The following TRAF3 variants were observed in gnomAD, a reference collection of about 807,000 sequenced individuals.
TRAF3 encodes the protein TNF receptor associated factor 3.
Under a neutral mutation model 62.3 loss-of-function variants are expected in TRAF3, and 13 were observed. The ratio of observed to expected loss-of-function variants is 0.21; its 90% CI spans 0.14 to 0.33. The LOEUF is 0.33. Ranked by LOEUF, TRAF3 falls within the 10% of genes least tolerant of loss-of-function variation. TRAF3 has a pLI of 1.00. For missense variants in TRAF3, 440 were observed against 741.8 expected (o/e 0.59, Z 4.73); for synonymous variants, 269 against 283.4 (o/e 0.95, Z 0.51).
chr14:102,830,756 C>T (rs1018297103), intron 2 of TRAF3, among the ~76,000 whole-genome samples: 3 of 152,174 alleles, frequency 2.0e-5, no homozygotes, highest in African/African-American at 7.2e-5. Context: ...TCTGGCTTGA[C>T]ATCTCCATTT....
At chr14:102,853,328 C>T (rs1183381231) in intron 2 of TRAF3, among the ~76,000 whole-genome samples, 1 of 152,118 alleles carries the variant, frequency 6.6e-6, no homozygotes, top group African/African-American at 2.4e-5. Context: ...TGAGCTACCA[C>T]GTCCTGCCTG....
intron 2 of TRAF3, among the ~76,000 whole-genome samples, chr14:102,866,788 T>C (rs1300674741): frequency 6.7e-6 from 1 of 150,224 alleles, no homozygotes; most frequent in Non-Finnish European, 1.5e-5. Context: ...GAGGCTGCAG[T>C]GAGCCATGAT....
At position 102,900,179 on chromosome 14, in the gene TRAF3, GGAAA is replaced by G. The variant is rs1414828268; in HGVS notation, c.960+2779_960+2782del. On this transcript the variant is annotated intron_variant, in intron 10 of 11. Coordinates refer to ENST00000392745, the MANE Select transcript of TRAF3 (RefSeq NM_145725.3). ...GGGAGAAAGAGCAAGACTCCGTCTC[GGAAA>G]AAAAAAAAAAAAAAAAAAAAGACAG... Among the ~76,000 whole-genome samples, 120 of 83,724 alleles carry G rather than the reference GGAAA, an allele frequency of 1.4e-3. 1 individual carries two copies. The highest frequency in any genetic ancestry group is 5.3e-3 in the African/African-American group (101 of 19,228). 54.9% of individuals were successfully genotyped at this position (83,724 alleles called of 152,430 possible).
At chr14:102,810,825 TG>T (rs1477375229) in intron 1 of TRAF3, 1 of 152,324 alleles carries the variant, frequency 6.6e-6, no homozygotes, top group Non-Finnish European at 1.5e-5. Context: ...TCAGCCTACC[TG>T]GGTGTGGACG....
At chr14:102,839,289 G>A (rs1341818165) in intron 2 of TRAF3, among the ~76,000 whole-genome samples, 1 of 128,354 alleles carries the variant, frequency 7.8e-6, no homozygotes, top group Non-Finnish European at 1.5e-5. Context: ...CGCGATCTTC[G>A]CTCACTGCAA....
chr14:102,896,344 T>TA (rs1890008232), intron 9 of TRAF3, among the ~76,000 whole-genome samples: 1 of 152,116 alleles, frequency 6.6e-6, no homozygotes, highest in Non-Finnish European at 1.5e-5. Flanking sequence ...TAACCACCAT[T>TA]CCCTGCTTCT....
intron 4 of TRAF3, among the ~76,000 whole-genome samples, chr14:102,872,892 G>A (rs973087833): frequency 1.3e-5 from 2 of 151,812 alleles, no homozygotes; most frequent in African/African-American, 2.4e-5. Flanking sequence ...GGGTTTCACC[G>A]TGTTGGTTAG....
intron 10 of TRAF3, among the ~76,000 whole-genome samples, chr14:102,900,332 C>G (rs1043054575): frequency 6.6e-6 from 1 of 151,950 alleles, no homozygotes; most frequent in Non-Finnish European, 1.5e-5. Flanking sequence ...GAAACCCCGT[C>G]TCTACTAAAA....
intron 2 of TRAF3, among the ~76,000 whole-genome samples, chr14:102,863,372 T>C (rs1273060257): frequency 1.3e-5 from 2 of 152,212 alleles, no homozygotes; most frequent in Admixed American, 1.3e-4. Context: ...TCTGTTCCAT[T>C]AATATAGTGG....
chr14:102,796,941 A>G (rs893950292), intron 1 of TRAF3, among the ~76,000 whole-genome samples: 1 of 152,256 alleles, frequency 6.6e-6, no homozygotes, highest in Admixed American at 6.5e-5. Flanking sequence ...GGCACTACGT[A>G]CTTTCTCATT....
At chr14:102,816,147 G>C (rs1899503767) in intron 1 of TRAF3, among the ~76,000 whole-genome samples, 1 of 151,726 alleles carries the variant, frequency 6.6e-6, no homozygotes. Flanking sequence ...CTGTTGCCCA[G>C]GCAGGAGTGT....
chr14:102,814,459 T>C (rs1449912738), intron 1 of TRAF3, among the ~76,000 whole-genome samples: 1 of 152,222 alleles, frequency 6.6e-6, no homozygotes, highest in Non-Finnish European at 1.5e-5. Flanking sequence ...GGATATTTTT[T>C]CTATTTCTGT....
intron 1 of TRAF3, among the ~76,000 whole-genome samples, chr14:102,814,526 T>A (rs1294909680): frequency 6.6e-6 from 1 of 152,190 alleles, no homozygotes; most frequent in Non-Finnish European, 1.5e-5. Context: ...TTGATTTCTT[T>A]TTTTCCCCCC....
At chr14:102,809,097 C>T (rs571869178) in intron 1 of TRAF3, 1 of 152,376 alleles carries the variant, frequency 6.6e-6, no homozygotes, top group African/African-American at 2.4e-5. Flanking sequence ...AGAGATTCTC[C>T]TGCCTCAGCC....
At chr14:102,896,786 G>T (rs1396915358) in intron 9 of TRAF3, among the ~76,000 whole-genome samples, 1 of 152,218 alleles carries the variant, frequency 6.6e-6, no homozygotes, top group Non-Finnish European at 1.5e-5. Flanking sequence ...AGGACTGGCT[G>T]GGTATGGTGA....
At chr14:102,796,312 G>A (rs918046929) in intron 1 of TRAF3, among the ~76,000 whole-genome samples, 3 of 152,262 alleles carry the variant, frequency 2.0e-5, no homozygotes, top group Non-Finnish European at 4.4e-5. Flanking sequence ...GGGCATGGAG[G>A]CTCCCGCCTG....
chr14:102,873,758 CCTT>C (rs1469154352), intron 4 of TRAF3, among the ~76,000 whole-genome samples: 1 of 142,478 alleles, frequency 7.0e-6, no homozygotes. Flanking sequence ...CAAGTCATGA[CCTT>C]CTTTTTTTTT....
intron 4 of TRAF3, 79 bp from the exon 5 acceptor site, chr14:102,875,545 G>A (rs1026937104): frequency 3.4e-6 from 4 of 1,169,152 alleles, no homozygotes; most frequent in African/African-American, 3.2e-5. Context: ...TTTTTTAAGT[G>A]GTTTTGCCTT....
chr14:102,778,597 C>CTG (rs3830958), intron 1 of TRAF3, among the ~76,000 whole-genome samples: 3 of 151,366 alleles, frequency 2.0e-5, no homozygotes, highest in South Asian at 2.1e-4. Context: ...GTGTGTGTGC[C>CTG]TGTGTGTGTG....
Sources: allele counts gnomAD v4.1 joint callset (sites outside exome capture counted in the v4.1 genomes callset), GRCh38; gene constraint gnomAD v4.1.1; transcripts MANE v1.5; gene names NCBI Gene and HGNC (gene_info 2026-07-23, HGNC 2026-07-21).